The following SLIT2 variants were observed in gnomAD, a reference collection of about 807,000 sequenced individuals.
The protein encoded by SLIT2 is slit homolog 2 protein.
SLIT2 carries 41 observed loss-of-function variants against 185.7 expected under a neutral mutation model. The observed-to-expected ratio is 0.22, with a 90% CI of 0.17 to 0.29. The LOEUF (loss-of-function observed/expected upper bound fraction) is 0.29, where lower values mean the gene tolerates loss of function less well. SLIT2 is among the 10% of genes least tolerant of loss of function. SLIT2 has a pLI of 1.00. For missense variants in SLIT2, 1,571 were observed against 1,909.0 expected (o/e 0.82, Z 3.30); for synonymous variants, 693 against 680.2 (o/e 1.02, Z -0.29).
At chr4:20,509,983 A>T in intron 9 of SLIT2, among the ~76,000 whole-genome samples, 1 of 152,354 alleles carries the variant, frequency 6.6e-6, no homozygotes, top group East Asian at 1.9e-4. Context: ...ATTTTGCCTC[A>T]TAAGAAGCTT....
chr4:20,464,763 C>T (rs1714154977), intron 4 of SLIT2, among the ~76,000 whole-genome samples: 1 of 152,188 alleles, frequency 6.6e-6, no homozygotes, highest in African/African-American at 2.4e-5. Flanking sequence ...TGCCCATCCG[C>T]TTTTATGTGT....
chr4:20,303,630 C>G (rs1225621780), intron 4 of SLIT2, among the ~76,000 whole-genome samples: 1 of 152,116 alleles, frequency 6.6e-6, no homozygotes, highest in Non-Finnish European at 1.5e-5. Flanking sequence ...AGCCCACGCT[C>G]CACTGAATGG....
At chr4:20,313,262 A>G (rs1718281885) in intron 4 of SLIT2, among the ~76,000 whole-genome samples, 3 of 152,222 alleles carry the variant, frequency 2.0e-5, no homozygotes, top group Non-Finnish European at 4.4e-5. Context: ...GTGAGGCCTC[A>G]GGAAGCTTAC....
chr4:20,551,010 T>A, intron 25 of SLIT2, 112 bp downstream of exon 25: 1 of 552,930 alleles, frequency 1.8e-6, no homozygotes, highest in Non-Finnish European at 3.2e-6. Flanking sequence ...GTAATTGGTT[T>A]CATCTTTAAA....
intron 2 of SLIT2, among the ~76,000 whole-genome samples, chr4:20,256,974 A>G (rs555206572): frequency 6.6e-6 from 1 of 152,218 alleles, no homozygotes. Context: ...ATGACCTCAG[A>G]TCTTTGTTAT....
chr4:20,525,201 T>A, intron 15 of SLIT2, 29 bp downstream of exon 15: 1 of 1,534,508 alleles, frequency 6.5e-7, no homozygotes, highest in African/African-American at 1.4e-5. Flanking sequence ...TAGGACTAAC[T>A]ACAGACACCC....
chr4:20,256,577 G>T, intron 1 of SLIT2, 95 bp from the exon 2 acceptor site: 2 of 645,284 alleles, frequency 3.1e-6, no homozygotes, highest in South Asian at 4.2e-5. Flanking sequence ...TTTAGTAATT[G>T]AATTAACTTT....
chr4:20,480,850 G>A (rs372763898), intron 6 of SLIT2, 63 bp downstream of exon 6: 45 of 1,178,994 alleles, frequency 3.8e-5, no homozygotes, highest in Non-Finnish European at 5.1e-5. Context: ...GGACTAATGT[G>A]GAAGCTTATC....
In SLIT2 at chr4:20,435,803, A is replaced by G. The variant is rs534916918; in HGVS notation, c.396-31949A>G. Among the ~76,000 whole-genome samples, 692 of 152,300 alleles carry G rather than the reference A, an allele frequency of 4.5e-3. 6 individuals carry two copies. The highest frequency in any genetic ancestry group is 6.8e-3 in the Middle Eastern group (2 of 294). On this transcript the variant is annotated intron_variant, in intron 4 of 36. Transcript: ENST00000504154. ...AAAAATGGATTGTGGCATGCCTAGA[A>G]GGTCAGGCTAAATGTTAACTTTATC...
rs1286516188 is a variant in SLIT2 at position 20,501,408 on chromosome 4, C to G, written c.915-9087C>G. Among the ~76,000 whole-genome samples, 6 of 152,262 alleles carry G rather than the reference C, an allele frequency of 3.9e-5. No individual in the cohort carries two copies. The South Asian group carries it at 8.3e-4, about 21-fold the overall frequency. On this transcript the variant is annotated intron_variant, in intron 9 of 36. Transcript: ENST00000504154. Reference sequence around the variant, plus strand: ...TCAAGCAATCCTCCCACCTCAGCCTCCCATGTAGCTGGGACTACAAGTGCA... The same window carrying G: ...TCAAGCAATCCTCCCACCTCAGCCTGCCATGTAGCTGGGACTACAAGTGCA...
intron 16 of SLIT2, among the ~76,000 whole-genome samples, 192 bp downstream of exon 16, chr4:20,529,291 A>G (rs957984387): frequency 6.6e-6 from 1 of 152,336 alleles, no homozygotes; most frequent in Non-Finnish European, 1.5e-5. Context: ...CTAGCCAACC[A>G]TACGATTAAG....
At chr4:20,543,323 A>T (rs1722977943) in intron 21 of SLIT2, among the ~76,000 whole-genome samples, 1 of 152,116 alleles carries the variant, frequency 6.6e-6, no homozygotes, top group Non-Finnish European at 1.5e-5. Context: ...TGCACTGCCC[A>T]CGCTCCCTTG....
rs551174416 is a variant in SLIT2, at chr4:20,548,249, T to C, written c.2346-239T>C. Among the ~76,000 whole-genome samples the C allele has an allele frequency of 4.5e-4, 69 of 152,174 alleles. 2 individuals carry two copies. The highest frequency in any genetic ancestry group is 3.4e-3 in the Admixed American group (52 of 15,258). On this transcript the variant is annotated intron_variant, in intron 22 of 36. Coordinates refer to ENST00000504154, the MANE Select transcript of SLIT2 (RefSeq NM_004787.4). ...ACCAACCCCTTGCACGTACACTACA[T>C]TGGCTAAAGCAATGCATATATATAT...
chr4:20,255,325 CT>C (rs1393486118), intron 1 of SLIT2, among the ~76,000 whole-genome samples: 1 of 152,250 alleles, frequency 6.6e-6, no homozygotes, highest in Non-Finnish European at 1.5e-5. Context: ...GTTGAGCCAC[CT>C]TTTGCTTTGC....
intron 4 of SLIT2, among the ~76,000 whole-genome samples, chr4:20,417,604 C>T (rs529736405): frequency 6.6e-6 from 1 of 151,770 alleles, no homozygotes; most frequent in African/African-American, 2.4e-5. Flanking sequence ...TCACTGTAGC[C>T]TCTGCCTCCT....
intron 4 of SLIT2, among the ~76,000 whole-genome samples, chr4:20,389,435 A>G (rs553291756): frequency 8.5e-5 from 13 of 152,100 alleles, no homozygotes; most frequent in African/African-American, 3.1e-4. Flanking sequence ...AACTAGATAG[A>G]GTGGCTATCT....
At chr4:20,495,061 A>T (rs901733886) in intron 9 of SLIT2, among the ~76,000 whole-genome samples, 1 of 152,268 alleles carries the variant, frequency 6.6e-6, no homozygotes, top group African/African-American at 2.4e-5. Context: ...GTCTGAGAGA[A>T]GGTCTTGGAA....
rs546168816 is a variant in SLIT2, at chr4:20,254,383, G to T, written c.179+389G>T. On this transcript the variant is annotated intron_variant, in intron 1 of 36. Transcript: ENST00000504154. The surrounding 1 kb of genome is among the most constrained non-coding windows in gnomAD (Gnocchi z 5.1). ...CTTGCGATTGCCAGCATCCAGGTCG[G>T]TTTCAGAGCCCAGTCCTCGCTCTTG... 6.6e-6 allele frequency among the ~76,000 whole-genome samples: 1 copy of T among 152,310 alleles called. No homozygotes were observed. Among genetic ancestry groups the T allele is most frequent in the Non-Finnish European group, 1.5e-5 (1 of 68,028 alleles).
At chr4:20,612,918 C>CA (rs33919601) in intron 34 of SLIT2, among the ~76,000 whole-genome samples, 64,209 of 120,488 alleles carry the variant, frequency 0.53, 17,485 homozygotes, top group African/African-American at 0.62. Context: ...ACTCCATCTC[C>CA]AAAAAAAAAA....
Sources: gnomAD v4.1 joint callset for allele counts (sites outside exome capture counted in the v4.1 genomes callset) on GRCh38, gnomAD v4.1.1 for gene constraint, Gnocchi (gnomAD v3.1) non-coding constraint, MANE v1.5 for transcripts, NCBI Gene and HGNC (gene_info 2026-07-23, HGNC 2026-07-21) for gene names.